Variants in NAALADL2 observed in about 807,000 individuals in gnomAD.
The protein encoded by NAALADL2 is N-acetylated alpha-linked acidic dipeptidase like 2, also known as inactive N-acetylated-alpha-linked acidic dipeptidase-like protein 2.
Under a neutral mutation model 87.2 loss-of-function variants are expected in NAALADL2, and 76 were observed. The ratio of observed to expected loss-of-function variants is 0.87; its 90% confidence interval spans 0.72 to 1.05. NAALADL2 has a LOEUF of 1.05. Ranked by LOEUF, NAALADL2 falls within the 50% of genes least tolerant of loss-of-function variation. NAALADL2 has a pLI of 0.00. For missense variants in NAALADL2, 1,089 were observed against 945.8 expected, an observed-to-expected ratio of 1.15 and a Z score of -1.99; for synonymous variants, 354 against 331.0, an observed-to-expected ratio of 1.07 and a Z score of -0.75.
chr3:174,977,729 C>G (rs574204227), intron 1 of NAALADL2, among the ~76,000 whole-genome samples: 120 of 152,212 alleles, frequency 7.9e-4, no homozygotes, highest in African/African-American at 2.7e-3. Flanking sequence ...CCTGGATAAT[C>G]CAGTTTTACA....
chr3:174,969,595 T>G (rs1743337959), intron 1 of NAALADL2, among the ~76,000 whole-genome samples: 1 of 152,092 alleles, frequency 6.6e-6, no homozygotes. Context: ...AGTAAGAAAA[T>G]TTTGATAATA....
intron 2 of NAALADL2, chr3:175,218,190 T>C (rs952626776): frequency 7.6e-6 from 3 of 392,998 alleles, no homozygotes; most frequent in Non-Finnish European, 1.0e-5. Context: ...AAGTTTTAGT[T>C]AGTTTATATA....
chr3:175,283,762 T>C (rs1754624038), intron 4 of NAALADL2, among the ~76,000 whole-genome samples: 1 of 151,932 alleles, frequency 6.6e-6, no homozygotes, highest in Admixed American at 6.6e-5. Flanking sequence ...TCCAGAAGTG[T>C]GTTTTTTATA....
At chr3:175,295,922 C>G (rs1362386220) in intron 4 of NAALADL2, among the ~76,000 whole-genome samples, 1 of 151,970 alleles carries the variant, frequency 6.6e-6, no homozygotes, top group Middle Eastern at 3.2e-3. Flanking sequence ...AATCCTCATG[C>G]CAACCCAGGC....
rs536636356 is a variant in NAALADL2 at position 174,835,925 on chromosome 3, T to C, written c.-9+98179T>C. Among the ~76,000 whole-genome samples, 8 of 152,312 alleles carry C rather than the reference T, an allele frequency of 5.3e-5. No homozygotes were observed. The South Asian group carries it at 1.7e-3, about 32-fold the overall frequency. On this transcript the variant is annotated intron_variant, in intron 3 of 3. Transcript: ENST00000434257. Reference sequence around the variant, plus strand: ...GTGGAAATGTTAAATGATGCTATCATTACAGAAAACGGTATGGTGGTTCCT... The same window carrying C: ...GTGGAAATGTTAAATGATGCTATCACTACAGAAAACGGTATGGTGGTTCCT...
chr3:175,310,855 A>T (rs1391185853), intron 4 of NAALADL2, among the ~76,000 whole-genome samples: 1 of 152,118 alleles, frequency 6.6e-6, no homozygotes, highest in African/African-American at 2.4e-5. Context: ...TTAATATCAA[A>T]CATATAGTAC....
intron 1 of NAALADL2, among the ~76,000 whole-genome samples, chr3:174,548,404 A>T: frequency 6.6e-6 from 1 of 152,142 alleles, no homozygotes; most frequent in Non-Finnish European, 1.5e-5. Flanking sequence ...AAAAAAATAA[A>T]CCAAGCTGCA....
chr3:174,537,830 AAGTC>A (rs1208292307), intron 1 of NAALADL2, among the ~76,000 whole-genome samples: 2 of 152,190 alleles, frequency 1.3e-5, no homozygotes, highest in African/African-American at 4.8e-5. Flanking sequence ...ATATTGTACA[AAGTC>A]AGGCTGGTGA....
intron 2 of NAALADL2, among the ~76,000 whole-genome samples, chr3:175,107,900 A>G (rs889754658): frequency 9.2e-5 from 14 of 151,882 alleles, no homozygotes; most frequent in Admixed American, 7.2e-4. Context: ...TCAAAATGTA[A>G]TCAACTCCCC....
chr3:174,457,262 A>T (rs1450206293), intron 1 of NAALADL2, among the ~76,000 whole-genome samples: 1 of 152,176 alleles, frequency 6.6e-6, no homozygotes, highest in Non-Finnish European at 1.5e-5. Context: ...TTGGGTGTGT[A>T]AATTAGTTCA....
At chr3:174,845,993 G>A (rs1408028443) in intron 3 of NAALADL2, among the ~76,000 whole-genome samples, 3 of 152,180 alleles carry the variant, frequency 2.0e-5, no homozygotes, top group Non-Finnish European at 4.4e-5. Flanking sequence ...TAGAGCATAC[G>A]ATGGGGGTTT....
chr3:175,793,445 G>A (rs964147938), intron 13 of NAALADL2, among the ~76,000 whole-genome samples: 1 of 151,590 alleles, frequency 6.6e-6, no homozygotes, highest in Middle Eastern at 3.4e-3. Context: ...GAGTAGCTGG[G>A]ACTACAGGCA....
At position 175,303,482 on chromosome 3, in the gene NAALADL2, T is replaced by A. The variant is rs992492083; in HGVS notation, c.940-20693T>A. Reference sequence around the variant, plus strand: ...CCACCAAAAAAAAATTTCCCATATTTCTGATCTTAATCTGATTTTTCTACT... The same window carrying A: ...CCACCAAAAAAAAATTTCCCATATTACTGATCTTAATCTGATTTTTCTACT... On this transcript the variant is annotated intron_variant, in intron 4 of 13. Transcript: ENST00000454872. 6.6e-5 allele frequency among the ~76,000 whole-genome samples: 10 copies of A among 152,188 alleles called. No individual in the cohort carries two copies. The South Asian group carries it at 2.1e-3, about 32-fold the overall frequency.
chr3:175,529,313 A>G (rs1733806204), intron 9 of NAALADL2, among the ~76,000 whole-genome samples: 1 of 152,200 alleles, frequency 6.6e-6, no homozygotes, highest in Non-Finnish European at 1.5e-5. Flanking sequence ...TTCCAGTTTA[A>G]TGGAATCCTT....
In NAALADL2 at chr3:175,663,122, T is replaced by C. The variant is rs182641084; in HGVS notation, c.1896+35736T>C. Among the ~76,000 whole-genome samples the C allele has an allele frequency of 2.2e-4, 34 of 151,924 alleles. 1 individual carries two copies. Among genetic ancestry groups the C allele is most frequent in the Non-Finnish European group, 3.5e-4 (24 of 67,768 alleles). ...AAATGTTTGGTAGAATTCAGCAGTGTATACATTAGCTCCTGGGCTTGCTTT... is the reference window on the plus strand; with the variant it reads ...AAATGTTTGGTAGAATTCAGCAGTGCATACATTAGCTCCTGGGCTTGCTTT... On this transcript the variant is annotated intron_variant, in intron 11 of 13. Coordinates refer to ENST00000454872, the MANE Select transcript of NAALADL2 (RefSeq NM_207015.3).
intron 4 of NAALADL2, among the ~76,000 whole-genome samples, chr3:175,322,150 A>G (rs1759981273): frequency 1.3e-5 from 2 of 151,160 alleles, no homozygotes; most frequent in African/African-American, 2.4e-5. Context: ...ATACAGATCA[A>G]TGGAACAGAA....
intron 3 of NAALADL2, among the ~76,000 whole-genome samples, chr3:174,746,404 C>A (rs954474234): frequency 6.6e-6 from 1 of 152,088 alleles, no homozygotes; most frequent in African/African-American, 2.4e-5. Context: ...AGGAGTACTA[C>A]AAACCACTGC....
intron 2 of NAALADL2, among the ~76,000 whole-genome samples, chr3:174,632,299 ATC>A (rs540955891): frequency 1.3e-3 from 201 of 152,334 alleles, no homozygotes; most frequent in African/African-American, 4.5e-3. Flanking sequence ...ACCGTGCTCT[ATC>A]CAGGCTTTGA....
rs189540117 is a variant in NAALADL2 at position 175,032,692 on chromosome 3, A to G, written c.44-64098A>G. 3.5e-3 allele frequency among the ~76,000 whole-genome samples: 529 copies of G among 152,138 alleles called. 3 individuals are homozygous for G. Among genetic ancestry groups the G allele is most frequent in the African/African-American group, 9.9e-3 (411 of 41,542 alleles). On this transcript the variant is annotated intron_variant, in intron 1 of 13. Transcript: ENST00000454872. ...CTTCTCACGAAAGGTTTTCCTGACT[A>G]CAAAATTAAAAAATATATATATCAT...
Sources: allele counts gnomAD v4.1 joint callset (sites outside exome capture counted in the v4.1 genomes callset), GRCh38; gene constraint gnomAD v4.1.1; transcripts MANE v1.5; gene names NCBI Gene and HGNC (gene_info 2026-07-23, HGNC 2026-07-21).